The following HPR variants were observed in gnomAD, a reference collection of about 807,000 sequenced individuals.
HPR encodes the protein haptoglobin-related protein, also known as Haptoglobin-related locus.
A neutral mutation model predicts 18.5 loss-of-function variants in HPR; 17 were observed. The observed-to-expected ratio is 0.92, with a 90% CI of 0.63 to 1.38. The LOEUF (loss-of-function observed/expected upper bound fraction) is 1.38. Among genes scored for constraint, HPR ranks in the 40% most tolerant of loss-of-function variants. The pLI is 0.00. For synonymous variants in HPR, 176 were observed against 165.0 expected (o/e 1.07, Z -0.51); for missense variants, 457 against 432.4 (o/e 1.06, Z -0.51).
chr16:72,075,486 A>G (rs1324669037), intron 4 of HPR, among the ~76,000 whole-genome samples: 1 of 152,232 alleles, frequency 6.6e-6, no homozygotes, highest in Non-Finnish European at 1.5e-5. Flanking sequence ...CTGTGCATAC[A>G]GAGAGCCTGC....
chr16:72,071,703 G>A (rs1170968911), intron 1 of HPR, among the ~76,000 whole-genome samples: 2 of 152,198 alleles, frequency 1.3e-5, no homozygotes, highest in Admixed American at 6.5e-5. Context: ...TGGTATTGTG[G>A]TGGACCATTA....
intron 1 of HPR, among the ~76,000 whole-genome samples, chr16:72,072,742 ATCCTCC>A (rs1201506258): frequency 1.3e-5 from 2 of 152,000 alleles, no homozygotes; most frequent in African/African-American, 4.8e-5. Flanking sequence ...ACCTCCCTCA[ATCCTCC>A]TCCTCCTCGT....
intron 1 of HPR, among the ~76,000 whole-genome samples, chr16:72,063,809 C>T (rs1227880589): frequency 6.6e-6 from 1 of 152,006 alleles, no homozygotes; most frequent in Non-Finnish European, 1.5e-5. Flanking sequence ...GTGGCGCGAT[C>T]TCAGCTCATC....
chr16:72,074,919 C>T (rs117370172), intron 3 of HPR, among the ~76,000 whole-genome samples: 2,199 of 152,248 alleles, frequency 0.014, 22 homozygotes, highest in Non-Finnish European at 0.023. Context: ...TGGCTGTGAC[C>T]GCCATCACCA....
intron 1 of HPR, among the ~76,000 whole-genome samples, chr16:72,067,366 A>G (rs1457345200): frequency 1.3e-5 from 2 of 152,324 alleles, no homozygotes; most frequent in African/African-American, 4.8e-5. Flanking sequence ...GGAAGGATTT[A>G]CGGTGAGAAT....
chr16:72,072,636 G>A (rs965104704), intron 1 of HPR, among the ~76,000 whole-genome samples: 7 of 152,054 alleles, frequency 4.6e-5, no homozygotes, highest in African/African-American at 1.7e-4. Flanking sequence ...CATGTCTCTT[G>A]CCATCAGAAT....
At position 72,076,894 on chromosome 16, in the gene HPR, A is replaced by C. The variant is rs775848664; in HGVS notation, c.860A>C (p.Lys287Thr). ...CACACCTTCTGTGTCGGCATGTCTA[A>C]GTACCAGGAAGACACCTGCTATGGC... ...NEHTFCVGMSKYQEDTCYGDA... is the reference protein window; with the variant it reads ...NEHTFCVGMSTYQEDTCYGDA... Residue 287 changes from lysine (K) to threonine (T), a missense_variant, in exon 5 of 5, where the codon AAG becomes ACG. Physicochemically the swap from Lys to Thr is moderately conservative, Grantham distance 78. Transcript: ENST00000540303. 4 of 1,614,248 alleles carry C rather than the reference A, an allele frequency of 2.5e-6. No homozygotes were observed. In the Admixed American group the frequency reaches 6.7e-5, roughly 27 times the overall value.
At position 72,076,633 on chromosome 16, in the gene HPR, T is replaced by C. The variant is rs751960684; in HGVS notation, c.599T>C (p.Val200Ala). ...GLIKLKQKVL[V>A]NERVMPICLP... ...ATCAAACTCAAACAGAAGGTGCTTG[T>C]TAATGAGAGAGTGATGCCCATCTGC... Residue 200 changes from valine to alanine, a missense_variant, in exon 5 of 5, where the codon GTT becomes GCT. Physicochemically the swap from Val to Ala is moderately conservative, Grantham distance 64 (BLOSUM62 0). Transcript: ENST00000540303. 3 of 1,614,180 alleles carry C rather than the reference T, an allele frequency of 1.9e-6. No homozygotes were observed. Among genetic ancestry groups the C allele is most frequent in the Admixed American group, 3.3e-5 (2 of 60,026 alleles).
At chr16:72,071,749 C>A (rs1475382808) in intron 1 of HPR, among the ~76,000 whole-genome samples, 1 of 152,186 alleles carries the variant, frequency 6.6e-6, no homozygotes, top group Non-Finnish European at 1.5e-5. Context: ...AGAACATGCA[C>A]TCTAATTCCA....
intron 1 of HPR, among the ~76,000 whole-genome samples, chr16:72,069,058 T>C (rs2041627830): frequency 6.6e-6 from 1 of 152,154 alleles, no homozygotes; most frequent in South Asian, 2.1e-4. Context: ...TCTCTATGTA[T>C]AAGAACAGAG....
chr16:72,076,153 A>G (rs1468243617), intron 4 of HPR, 150 bp from the exon 5 acceptor site: 5 of 1,455,828 alleles, frequency 3.4e-6, no homozygotes, highest in Non-Finnish European at 4.6e-6. Flanking sequence ...AACTGCAACT[A>G]TTGGAAATGA....
At chr16:72,075,320 G>C (rs1239915045) in intron 4 of HPR, 101 bp downstream of exon 4, 14 of 646,414 alleles carry the variant, frequency 2.2e-5, no homozygotes, top group African/African-American at 3.5e-5. Flanking sequence ...GAGCACACAA[G>C]AGCCAGGAGG....
In HPR at chr16:72,076,739, T is replaced by G; in HGVS notation, c.705T>G (p.Thr235=). 8 of 1,614,252 alleles carry G rather than the reference T, an allele frequency of 5.0e-6. No homozygotes were observed. The highest frequency in any genetic ancestry group is 5.9e-6 in the Non-Finnish European group (7 of 1,180,048). The part of the protein sequence containing the change: ...GWGQSDNFKL[T]DHLKYVMLPV... ...GACAAAGTGACAACTTTAAACTTAC[T>G]GACCATCTGAAGTATGTCATGCTGC... The change falls in exon 5 of 5, where the codon ACT becomes ACG. Residue 235 remains threonine (T), a synonymous_variant. Transcript: ENST00000540303.
rs1457173373 is a variant in HPR at position 72,074,323 on chromosome 16, A to G, written c.131A>G (p.Tyr44Cys). ...FPKPPEIANG[Y>C]VEHLFRYQCK... ...AAGCCCCCTGAGATTGCAAATGGCT[A>G]TGTGGAGCACTTGTTTCGCTACCAG... is the stretch of plus-strand genomic sequence containing the variant. Residue 44 changes from tyrosine to cysteine, a missense_variant, in exon 3 of 5, where the codon TAT (tyrosine) becomes TGT (cysteine). Transcript: ENST00000540303. 1 of 1,613,948 alleles carries G rather than the reference A, an allele frequency of 6.2e-7. No homozygotes were observed. The highest frequency in any genetic ancestry group is 8.5e-7 in the Non-Finnish European group (1 of 1,180,016).
chr16:72,077,019 G>T lies in HPR; in HGVS notation c.985G>T (p.Gly329Cys). The T allele has an allele frequency of 6.2e-7, 1 of 1,614,098 alleles. No homozygotes were observed. The highest frequency in any genetic ancestry group is 8.5e-7 in the Non-Finnish European group (1 of 1,180,042). The change falls in exon 5 of 5, where the codon GGT becomes TGT. Residue 329 changes from glycine to cysteine, a missense_variant. Coordinates refer to ENST00000540303, the MANE Select transcript of HPR (RefSeq NM_020995.4). ...FDKSCAVAEYGVYVKVTSIQH... is the reference protein window; with the variant it reads ...FDKSCAVAEYCVYVKVTSIQH... ...TAAGAGCTGTGCTGTGGCTGAGTAT[G>T]GTGTGTATGTGAAGGTGACTTCCAT...
intron 1 of HPR, among the ~76,000 whole-genome samples, chr16:72,066,608 T>A (rs1297766352): frequency 1.1e-4 from 17 of 152,106 alleles, no homozygotes; most frequent in Non-Finnish European, 1.9e-4. Flanking sequence ...GAGGGACCTA[T>A]AAGATTCCTA....
intron 1 of HPR, 98 bp from the exon 2 acceptor site, chr16:72,073,780 ATGTGTGTGTGTGCG>A (rs745964807): frequency 3.1e-6 from 5 of 1,588,378 alleles, no homozygotes; most frequent in East Asian, 2.3e-5. Context: ...GTGTGTATGC[ATGTGTGTGTGTGCG>A]TGTGTGTGTG....
At chr16:72,074,117 G>A in intron 2 of HPR, 140 bp downstream of exon 2, 2 of 1,323,278 alleles carry the variant, frequency 1.5e-6, no homozygotes. Flanking sequence ...GGACTGCCAA[G>A]AACATTGGGG....
Position 72,075,202 on chromosome 16 carries a change from T to C in HPR, c.251T>C (p.Leu84Pro), listed in dbSNP as rs772639704. The C allele has an allele frequency of 1.4e-6, 2 of 1,472,754 alleles. No homozygotes were observed. The highest frequency in any genetic ancestry group is 9.3e-7 in the Non-Finnish European group (1 of 1,073,284). 91.2% of individuals were successfully genotyped at this position (1,472,754 alleles called of 1,614,324 possible). A position where few individuals can be genotyped will look rare whatever the true frequency, so the allele number is the denominator to read the frequency against. ...ATAAATAAGGCTGTTGGAGATAAAC[T>C]TCCTGAATGTGAAGCAGGTGGGTGC... ...QWINKAVGDK[L>P]PECEAVCGKP... Residue 84 changes from leucine to proline, a missense_variant, in exon 4 of 5, where the codon CTT becomes CCT. Physicochemically the swap from Leu to Pro is moderately conservative, Grantham distance 98. Coordinates refer to ENST00000540303, the MANE Select transcript of HPR (RefSeq NM_020995.4).
Sources: gnomAD v4.1 joint callset for allele counts (sites outside exome capture counted in the v4.1 genomes callset) on GRCh38, gnomAD v4.1.1 for gene constraint, MANE v1.5 for transcripts, NCBI Gene and HGNC (gene_info 2026-07-23, HGNC 2026-07-21) for gene names.